Variants in RBFOX1 observed in about 807,000 individuals in gnomAD.
RBFOX1 encodes the protein RNA binding protein fox-1 homolog 1.
Under a neutral mutation model 57.7 loss-of-function variants are expected in RBFOX1, and 8 were observed. The observed-to-expected ratio is 0.14, with a 90% CI of 0.08 to 0.25. RBFOX1 has a LOEUF of 0.25. Among genes scored for constraint, RBFOX1 ranks in the 10% least tolerant of loss-of-function variants. The pLI, the probability that RBFOX1 is intolerant of heterozygous loss-of-function variation, is 1.00. For synonymous variants in RBFOX1, 326 were observed against 222.4 expected, an observed-to-expected ratio of 1.47 and a Z score of -4.15; for missense variants, 611 against 548.5, an observed-to-expected ratio of 1.11 and a Z score of -1.14.
In RBFOX1 at chr16:7,460,389, ATGTGTGTGTG is replaced by A. The variant is rs1235047786; in HGVS notation, c.28-57738_28-57729del. On this transcript the variant is annotated intron_variant, in intron 4 of 15. Coordinates refer to ENST00000550418, the MANE Select transcript of RBFOX1 (RefSeq NM_018723.4). ...TAGCAAAATATATATATATATATAT[ATGTGTGTGTG>A]TGTGTGTGTGTGTGTGTGTATATAC... 2.6e-4 allele frequency among the ~76,000 whole-genome samples: 23 copies of A among 87,182 alleles called. 1 individual carries two copies. The highest frequency in any genetic ancestry group is 5.2e-4 in the African/African-American group (8 of 15,368). The allele number at this position is 87,182 out of a possible 152,430, so 57.2% of individuals were successfully genotyped here.
chr16:5,570,989 T>A (rs891682806), intron 2 of RBFOX1, among the ~76,000 whole-genome samples: 17 of 152,134 alleles, frequency 1.1e-4, no homozygotes, highest in African/African-American at 4.1e-4. Flanking sequence ...CTATTTTATT[T>A]TCTTCTCAAA....
intron 1 of RBFOX1, among the ~76,000 whole-genome samples, chr16:6,253,600 T>C (rs1002988070): frequency 1.7e-5 from 2 of 116,522 alleles, no homozygotes; most frequent in African/African-American, 5.2e-5. Context: ...GATAGATAGA[T>C]AGATGGATAG....
At chr16:5,798,571 A>G in intron 3 of RBFOX1, among the ~76,000 whole-genome samples, 1 of 152,204 alleles carries the variant, frequency 6.6e-6, no homozygotes, top group East Asian at 1.9e-4. Context: ...TCTGCGCTAA[A>G]TGATTGTTAG....
chr16:6,996,279 C>T (rs1163055509), intron 3 of RBFOX1, among the ~76,000 whole-genome samples: 1 of 152,120 alleles, frequency 6.6e-6, no homozygotes, highest in Non-Finnish European at 1.5e-5. Context: ...TATTGAGTAT[C>T]TCTACTTTAG....
At chr16:6,980,829 G>T in intron 3 of RBFOX1, among the ~76,000 whole-genome samples, 1 of 152,022 alleles carries the variant, frequency 6.6e-6, no homozygotes, top group Non-Finnish European at 1.5e-5. Context: ...GATCACTTCA[G>T]GTCAGGAGTT....
At chr16:6,870,060 G>A (rs530934706) in intron 3 of RBFOX1, among the ~76,000 whole-genome samples, 2 of 152,188 alleles carry the variant, frequency 1.3e-5, no homozygotes, top group East Asian at 3.9e-4. Flanking sequence ...TTTAAAAATT[G>A]TTAAACTGAC....
chr16:5,582,673 C>A (rs1033212614), intron 2 of RBFOX1, among the ~76,000 whole-genome samples: 4 of 151,712 alleles, frequency 2.6e-5, no homozygotes, highest in African/African-American at 4.9e-5. Context: ...GCCCCAGCCT[C>A]CCAAGTAGCT....
At chr16:6,424,308 G>C (rs1038996206) in intron 2 of RBFOX1, among the ~76,000 whole-genome samples, 1 of 152,180 alleles carries the variant, frequency 6.6e-6, no homozygotes, top group South Asian at 2.1e-4. Context: ...TAAGGAGGCA[G>C]TCTAAGCTGT....
At chr16:6,682,940 C>T (rs1029466387) in intron 3 of RBFOX1, among the ~76,000 whole-genome samples, 2 of 149,316 alleles carry the variant, frequency 1.3e-5, no homozygotes, top group African/African-American at 4.9e-5. Flanking sequence ...ACAGGCCAGG[C>T]AAGTCACATC....
chr16:6,439,544 A>G (rs919656686), intron 2 of RBFOX1, among the ~76,000 whole-genome samples: 5 of 151,974 alleles, frequency 3.3e-5, no homozygotes, highest in African/African-American at 4.8e-5. Flanking sequence ...CAGTCATCCA[A>G]CCTGCAGTTT....
At chr16:5,469,005 G>T (rs1213696166) in intron 2 of RBFOX1, among the ~76,000 whole-genome samples, 1 of 152,228 alleles carries the variant, frequency 6.6e-6, no homozygotes, top group Non-Finnish European at 1.5e-5. Context: ...TGCCCGTGCT[G>T]TGGTCACCCT....
intron 1 of RBFOX1, among the ~76,000 whole-genome samples, chr16:6,166,237 C>G (rs966748780): frequency 4.7e-4 from 72 of 152,154 alleles, no homozygotes; most frequent in African/African-American, 1.7e-3. Context: ...CACAGGCCTT[C>G]CCTGCCTGCT....
At chr16:6,918,922 A>G (rs781612993) in intron 3 of RBFOX1, among the ~76,000 whole-genome samples, 76 of 152,146 alleles carry the variant, frequency 5.0e-4, no homozygotes, top group African/African-American at 1.8e-3. Flanking sequence ...GCTGTGATCT[A>G]GTTACGCAGG....
intron 1 of RBFOX1, among the ~76,000 whole-genome samples, chr16:5,426,516 G>A (rs1358240709): frequency 6.6e-6 from 1 of 152,198 alleles, no homozygotes; most frequent in Non-Finnish European, 1.5e-5. Context: ...ACAGAGCCAC[G>A]TGCTTCTCTC....
chr16:7,437,049 C>T (rs967318092), intron 4 of RBFOX1, among the ~76,000 whole-genome samples: 5 of 152,174 alleles, frequency 3.3e-5, no homozygotes, highest in Non-Finnish European at 7.3e-5. Flanking sequence ...CCACTGCACT[C>T]CAGCCTGGGT....
chr16:6,870,527 G>A (rs1366564787), intron 3 of RBFOX1, among the ~76,000 whole-genome samples: 1 of 152,146 alleles, frequency 6.6e-6, no homozygotes, highest in Non-Finnish European at 1.5e-5. Flanking sequence ...AATTGCTAGT[G>A]GAACATACTG....
chr16:6,383,691 A>G (rs1288215251), intron 2 of RBFOX1, among the ~76,000 whole-genome samples: 2 of 151,932 alleles, frequency 1.3e-5, no homozygotes, highest in African/African-American at 4.8e-5. Context: ...AATTGCATGA[A>G]CCCGGGAGAC....
intron 4 of RBFOX1, among the ~76,000 whole-genome samples, chr16:7,516,983 C>A (rs1372479188): frequency 1.3e-5 from 2 of 152,048 alleles, no homozygotes; most frequent in East Asian, 3.9e-4. Flanking sequence ...ATATGAGGGC[C>A]AAAGTCACAT....
chr16:5,904,846 G>A (rs1053807037), intron 4 of RBFOX1, among the ~76,000 whole-genome samples: 2 of 151,324 alleles, frequency 1.3e-5, no homozygotes, highest in East Asian at 2.0e-4. Flanking sequence ...GCATGGTGGT[G>A]GGCGCCTGTA....
Sources: allele counts gnomAD v4.1 joint callset (sites outside exome capture counted in the v4.1 genomes callset), GRCh38; gene constraint gnomAD v4.1.1; transcripts MANE v1.5; gene names NCBI Gene and HGNC (gene_info 2026-07-23, HGNC 2026-07-21).